Variants in RFX3 observed in about 807,000 individuals in gnomAD.
RFX3 encodes regulatory factor X3.
In RFX3, 14 loss-of-function variants were observed where a neutral mutation model predicts 98.6. The ratio of observed to expected loss-of-function variants is 0.14; its 90% confidence interval spans 0.09 to 0.22. The LOEUF (loss-of-function observed/expected upper bound fraction) is 0.22, where lower values mean the gene tolerates loss of function less well. Ranked by LOEUF, RFX3 falls within the 10% of genes least tolerant of loss-of-function variation. The probability of loss-of-function intolerance (pLI) is 1.00; values close to 1 mark genes in which losing one functional copy is unlikely to be tolerated. For synonymous variants in RFX3, 383 were observed against 328.4 expected (o/e 1.17, Z -1.80); for missense variants, 639 against 926.9 (o/e 0.69, Z 4.03).
rs758851227 is a variant in RFX3 at position 3,330,367 on chromosome 9, G to A, written c.366C>T (p.Val122=). 6.2e-7 allele frequency: 1 copy of A among 1,614,112 alleles called. No individual in the cohort carries two copies. The highest frequency in any genetic ancestry group is 8.5e-7 in the Non-Finnish European group (1 of 1,180,020). The change falls in exon 4 of 17, where the codon GTC becomes GTT. Residue 122 remains valine (V), a synonymous_variant. Transcript: ENST00000617270. ...AGCTGCTGATGAGTTGTCCTCCTGT[G>A]ACGCCCATCTGAATCCCACCAGTGC... ...MVGTGGIQMG[V]TGGQLISSSG... is the part of the protein sequence containing the mutation.
chr9:3,263,145 T>G, intron 12 of RFX3, 61 bp from the exon 13 acceptor site: 1 of 1,554,060 alleles, frequency 6.4e-7, no homozygotes, highest in Non-Finnish European at 8.8e-7. Context: ...ACCACTGCAA[T>G]TTTCAAATCT....
At chr9:3,290,249 G>C (rs1267846715) in intron 6 of RFX3, among the ~76,000 whole-genome samples, 1 of 151,470 alleles carries the variant, frequency 6.6e-6, no homozygotes, top group African/African-American at 2.4e-5. Flanking sequence ...ACCTAGTTGG[G>C]GGTGGGAGGA....
intron 1 of RFX3, among the ~76,000 whole-genome samples, chr9:3,414,947 T>C (rs1050040926): frequency 2.9e-5 from 4 of 137,640 alleles, no homozygotes; most frequent in Admixed American, 7.6e-5. Context: ...TATATACACA[T>C]ATATGTGTGT....
chr9:3,280,011 T>A (rs3012682), intron 7 of RFX3, among the ~76,000 whole-genome samples: 151,282 of 151,954 alleles, frequency 1, 75,306 homozygotes, highest in East Asian at 1. Context: ...AATACACAGT[T>A]GAAATAAAGA....
intron 3 of RFX3, among the ~76,000 whole-genome samples, chr9:3,331,262 G>C (rs1832569555): frequency 6.6e-6 from 1 of 152,100 alleles, no homozygotes; most frequent in East Asian, 1.9e-4. Flanking sequence ...CTTATCTCTT[G>C]TGACCTATCT....
chr9:3,525,325 G>C (rs1187365104), intron 1 of RFX3, among the ~76,000 whole-genome samples: 1 of 152,164 alleles, frequency 6.6e-6, no homozygotes, highest in East Asian at 1.9e-4. Context: ...AGCAGCGTTG[G>C]AAAAGAAGAA....
chr9:3,436,902 T>C (rs535386217), intron 1 of RFX3, among the ~76,000 whole-genome samples: 1 of 151,992 alleles, frequency 6.6e-6, no homozygotes, highest in Non-Finnish European at 1.5e-5. Context: ...CCTCAAAATG[T>C]CAATCAATTC....
At chr9:3,259,050 T>C (rs1253529261) in intron 13 of RFX3, among the ~76,000 whole-genome samples, 1 of 152,038 alleles carries the variant, frequency 6.6e-6, no homozygotes, top group Non-Finnish European at 1.5e-5. Context: ...ACTGAATGAA[T>C]TTGTTTTATT....
At chr9:3,522,432 C>T (rs192653902) in intron 1 of RFX3, among the ~76,000 whole-genome samples, 54 of 152,242 alleles carry the variant, frequency 3.5e-4, no homozygotes, top group Admixed American at 3.2e-3. Flanking sequence ...AACAAAATAA[C>T]CAGGAGCCTC....
At chr9:3,295,757 C>A (rs929127791) in intron 5 of RFX3, among the ~76,000 whole-genome samples, 5 of 151,822 alleles carry the variant, frequency 3.3e-5, no homozygotes, top group Admixed American at 2.6e-4. Context: ...GCTTCCTTTG[C>A]TAATGAACAG....
intron 1 of RFX3, among the ~76,000 whole-genome samples, chr9:3,411,889 T>C (rs1012590765): frequency 2.0e-5 from 3 of 152,152 alleles, no homozygotes; most frequent in African/African-American, 4.8e-5. Flanking sequence ...CAAAATACTC[T>C]ACATATATAA....
At chr9:3,523,195 C>T (rs547879788) in intron 1 of RFX3, among the ~76,000 whole-genome samples, 1 of 152,290 alleles carries the variant, frequency 6.6e-6, no homozygotes, top group South Asian at 2.1e-4. Flanking sequence ...AAACAAGTTA[C>T]AAGTGACTTC....
intron 15 of RFX3, among the ~76,000 whole-genome samples, chr9:3,244,307 C>T (rs78108722): frequency 0.025 from 3,838 of 152,160 alleles, 163 homozygotes; most frequent in African/African-American, 0.088. Flanking sequence ...AGCCCGGCCT[C>T]TTATTTCATC....
intron 3 of RFX3, among the ~76,000 whole-genome samples, chr9:3,335,078 C>T (rs942921274): frequency 3.3e-5 from 5 of 151,888 alleles, no homozygotes; most frequent in Admixed American, 2.6e-4. Flanking sequence ...GAGGTCACAC[C>T]ACTGCACTCC....
At chr9:3,467,036 AT>A (rs201941952) in intron 1 of RFX3, among the ~76,000 whole-genome samples, 24,519 of 141,696 alleles carry the variant, frequency 0.17, 3,769 homozygotes, top group African/African-American at 0.4. Context: ...AATTATATAT[AT>A]ATATATATAT....
chr9:3,257,107 C>T lies in RFX3; in HGVS notation c.1698G>A (p.Leu566=). ...FKMTLQQQST[L]EQWAAWLDNV... ...TGTCAAGCCACGCAGCCCACTGCTC[C>T]AGGGTGCTCTGCTGCTGAAGAGTCA... The change falls in exon 14 of 17, where the codon CTG becomes CTA. Residue 566 remains leucine, a synonymous_variant. Coordinates refer to ENST00000617270, the MANE Select transcript of RFX3 (RefSeq NM_001282116.2). 1 of 1,613,978 alleles carries T rather than the reference C, an allele frequency of 6.2e-7. No individual in the cohort carries two copies. Among genetic ancestry groups the T allele is most frequent in the Non-Finnish European group, 8.5e-7 (1 of 1,180,004 alleles).
At chr9:3,391,467 G>A (rs1466459175) in intron 2 of RFX3, among the ~76,000 whole-genome samples, 2 of 152,138 alleles carry the variant, frequency 1.3e-5, no homozygotes, top group Non-Finnish European at 2.9e-5. Flanking sequence ...AAAAGAAAAT[G>A]AGTGTTCTCA....
chr9:3,486,930 T>C (rs926589342), intron 1 of RFX3, among the ~76,000 whole-genome samples: 2 of 152,232 alleles, frequency 1.3e-5, no homozygotes, highest in Non-Finnish European at 2.9e-5. Flanking sequence ...GAACTCATTA[T>C]TATCAAAGAC....
rs375482627 is a variant in RFX3 at position 3,404,880 on chromosome 9, T to C, written c.-8-9284A>G. ...CACCACCAAACTTGTTCAGAAGAGT[T>C]ATCTACAGTCACTGTCTTCATTTCT... On this transcript the variant is annotated intron_variant, in intron 1 of 16. Transcript: ENST00000617270. Among the ~76,000 whole-genome samples, 123 of 152,308 alleles carry C rather than the reference T, an allele frequency of 8.1e-4. 3 individuals carry two copies. In the South Asian group the frequency reaches 0.025, roughly 31 times the overall value.
Sources: allele counts gnomAD v4.1 joint callset (sites outside exome capture counted in the v4.1 genomes callset), GRCh38; gene constraint gnomAD v4.1.1; transcripts MANE v1.5; gene names NCBI Gene and HGNC (gene_info 2026-07-23, HGNC 2026-07-21).